The following TENM1 variants were observed in gnomAD, a reference collection of about 807,000 sequenced individuals.
TENM1 encodes teneurin transmembrane protein 1.
A neutral mutation model predicts 174.8 loss-of-function variants in TENM1; 35 were observed. That is an observed-to-expected ratio of 0.20 (90% CI 0.15 to 0.27). The LOEUF (loss-of-function observed/expected upper bound fraction) is 0.27. TENM1 is among the 10% of genes least tolerant of loss of function. TENM1 has a pLI of 1.00. For synonymous variants in TENM1, 781 were observed against 798.7 expected (o/e 0.98, Z 0.37); for missense variants, 1,633 against 2,130.1 (o/e 0.77, Z 4.59).
chrX:124,443,447 T>C (rs1268112753), intron 23 of TENM1, among the ~76,000 whole-genome samples: 2 of 111,718 alleles, frequency 1.8e-5, no homozygotes, highest in Non-Finnish European at 3.8e-5. Flanking sequence ...TAAAAGAGCA[T>C]CTAAATTCTT....
chrX:125,057,635 A>C, the TENM1 span, among the ~76,000 whole-genome samples: 1 of 111,616 alleles, frequency 9.0e-6, no homozygotes, highest in South Asian at 3.7e-4. Flanking sequence ...TGAAAGGAGT[A>C]ATAGAGTTAA....
the TENM1 span, among the ~76,000 whole-genome samples, chrX:125,064,235 A>T: frequency 1.4e-4 from 16 of 110,846 alleles, no homozygotes; most frequent in East Asian, 4.3e-3. Flanking sequence ...GGTGCAGCAC[A>T]CCAACATGGC....
At chrX:125,030,850 G>T in the TENM1 span, among the ~76,000 whole-genome samples, 1 of 111,854 alleles carries the variant, frequency 8.9e-6, no homozygotes, top group Non-Finnish European at 1.9e-5. Flanking sequence ...CTAATATATT[G>T]ATTGTATATA....
chrX:125,166,734 C>T, the TENM1 span, among the ~76,000 whole-genome samples: 1 of 111,671 alleles, frequency 9.0e-6, no homozygotes, highest in Non-Finnish European at 1.9e-5. Flanking sequence ...CCTTCTTCCT[C>T]TTAATCAAAT....
At chrX:125,134,000 T>C in the TENM1 span, among the ~76,000 whole-genome samples, 1 of 111,162 alleles carries the variant, frequency 9.0e-6, no homozygotes, top group Non-Finnish European at 1.9e-5. Context: ...GCTGCTTTGG[T>C]GGAAGTCAGC....
At chrX:125,113,409 T>G in the TENM1 span, among the ~76,000 whole-genome samples, 2 of 110,989 alleles carry the variant, frequency 1.8e-5, no homozygotes, top group Admixed American at 1.9e-4. Context: ...CCCCATGAGA[T>G]ACAATATTAT....
chrX:124,522,389 T>C (rs185542809), intron 17 of TENM1, among the ~76,000 whole-genome samples: 22 of 111,717 alleles, frequency 2.0e-4, no homozygotes, highest in African/African-American at 7.1e-4. Context: ...TTAATTATCA[T>C]TAAAATGTTT....
the TENM1 span, among the ~76,000 whole-genome samples, chrX:125,146,022 A>G: frequency 8.0e-5 from 9 of 112,028 alleles, no homozygotes; most frequent in Non-Finnish European, 1.7e-4. Context: ...ACATGTAAGT[A>G]GGATAAACAC....
chrX:124,931,089 G>A, intron 1 of TENM1, among the ~76,000 whole-genome samples: 1 of 108,828 alleles, frequency 9.2e-6, no homozygotes, highest in East Asian at 2.8e-4. Context: ...GCAAAATGGA[G>A]AAACCCAACG....
intron 3 of TENM1, among the ~76,000 whole-genome samples, chrX:124,763,944 T>G (rs1480188438): frequency 8.9e-6 from 1 of 112,388 alleles, no homozygotes; most frequent in Admixed American, 9.4e-5. Flanking sequence ...GAAAAACTGT[T>G]GCTGGTACAT....
Position 124,504,806 on chromosome X carries a change from G to A in TENM1, c.3302-1103C>T, listed in dbSNP as rs572825900. Among the ~76,000 whole-genome samples the A allele has an allele frequency of 8.9e-5, 10 of 111,915 alleles. No individual in the cohort carries two copies. The South Asian group carries it at 3.7e-3, about 42-fold the overall frequency. Reference sequence around the variant, plus strand: ...TAAACAATGCCAGAACAATAGGTCCGAAAGTGAAAAAATAAAGCCAACTGG... The same window carrying A: ...TAAACAATGCCAGAACAATAGGTCCAAAAGTGAAAAAATAAAGCCAACTGG... On this transcript the variant is annotated intron_variant, in intron 18 of 31. Transcript: ENST00000422452.
intron 4 of TENM1, among the ~76,000 whole-genome samples, chrX:124,718,446 A>G (rs956424588): frequency 1.2e-4 from 14 of 112,418 alleles, no homozygotes; most frequent in African/African-American, 4.5e-4. Context: ...TCAATTAAGT[A>G]TAGTACAAAC....
At chrX:124,424,588 C>T (rs191440808) in intron 23 of TENM1, among the ~76,000 whole-genome samples, 2 of 111,343 alleles carry the variant, frequency 1.8e-5, no homozygotes, top group East Asian at 5.7e-4. Flanking sequence ...TCTTTCTGTG[C>T]CTGGCTTATT....
the TENM1 span, among the ~76,000 whole-genome samples, chrX:125,146,806 T>C: frequency 1.8e-5 from 2 of 111,360 alleles, no homozygotes; most frequent in East Asian, 5.7e-4. Context: ...ATTTGGTTAA[T>C]TTCTGGCCAT....
chrX:124,907,119 C>A (rs952722928), intron 1 of TENM1, among the ~76,000 whole-genome samples: 1 of 111,766 alleles, frequency 8.9e-6, no homozygotes, highest in Non-Finnish European at 1.9e-5. Context: ...AGGGGGAAGA[C>A]AAGAATGTAC....
chrX:125,103,730 A>G, the TENM1 span, among the ~76,000 whole-genome samples: 1 of 112,743 alleles, frequency 8.9e-6, no homozygotes, highest in African/African-American at 3.2e-5. Context: ...TCACGCCGGT[A>G]ATCCCAGCAC....
intron 4 of TENM1, among the ~76,000 whole-genome samples, chrX:124,712,715 C>T (rs1435723292): frequency 9.0e-6 from 1 of 111,600 alleles, no homozygotes; most frequent in Non-Finnish European, 1.9e-5. Context: ...CTCCTGACCT[C>T]AAGTGATCTG....
At chrX:124,474,437 T>C (rs1370620674) in intron 22 of TENM1, among the ~76,000 whole-genome samples, 1 of 111,881 alleles carries the variant, frequency 8.9e-6, no homozygotes, top group Non-Finnish European at 1.9e-5. Flanking sequence ...TCTACCATGT[T>C]ATCTGGCCTC....
intron 3 of TENM1, among the ~76,000 whole-genome samples, chrX:124,846,641 G>A (rs1450167449): frequency 1.8e-5 from 2 of 111,141 alleles, no homozygotes; most frequent in Non-Finnish European, 3.8e-5. Flanking sequence ...ATGATAACAG[G>A]AAAAATAAAT....
Sources: allele counts gnomAD v4.1 joint callset (sites outside exome capture counted in the v4.1 genomes callset), GRCh38; gene constraint gnomAD v4.1.1; transcripts MANE v1.5; gene names NCBI Gene and HGNC (gene_info 2026-07-23, HGNC 2026-07-21).